The following CTNNA3 variants were observed in gnomAD, a reference collection of about 807,000 sequenced individuals.
CTNNA3 encodes the protein catenin alpha-3.
A neutral mutation model predicts 95.7 loss-of-function variants in CTNNA3; 76 were observed. That is an observed-to-expected ratio of 0.79 (90% CI 0.66 to 0.96). The LOEUF is 0.96. Ranked by LOEUF, CTNNA3 falls within the 40% of genes least tolerant of loss-of-function variation. The pLI, the probability that CTNNA3 is intolerant of heterozygous loss-of-function variation, is 0.00. For synonymous variants in CTNNA3, 431 were observed against 374.4 expected, an observed-to-expected ratio of 1.15 and a Z score of -1.74; for missense variants, 1,191 against 1,089.8, an observed-to-expected ratio of 1.09 and a Z score of -1.31.
chr10:66,258,557 C>T (rs116638589), intron 13 of CTNNA3, among the ~76,000 whole-genome samples: 2,819 of 152,240 alleles, frequency 0.019, 96 homozygotes, highest in African/African-American at 0.064. Context: ...TAATCTCAGT[C>T]CCAGCCTTAG....
chr10:66,544,361 C>A lies in CTNNA3; in HGVS notation c.1375-23588G>T, dbSNP rs575884532. On this transcript the variant is annotated intron_variant, in intron 10 of 17. Transcript: ENST00000433211. ...CCTAAAGCTTGAGAAGACCTTATTTCAGAGGGTTGGGAAAGGAAAACTAAT... is the reference window on the plus strand; with the variant it reads ...CCTAAAGCTTGAGAAGACCTTATTTAAGAGGGTTGGGAAAGGAAAACTAAT... Among the ~76,000 whole-genome samples the A allele has an allele frequency of 5.2e-4, 79 of 152,104 alleles. No homozygotes were observed. In the South Asian group the frequency reaches 0.016, roughly 31 times the overall value.
chr10:66,599,052 G>A (rs1243616275), intron 10 of CTNNA3, among the ~76,000 whole-genome samples: 1 of 151,888 alleles, frequency 6.6e-6, no homozygotes, highest in African/African-American at 2.4e-5. Flanking sequence ...CAGACACATA[G>A]ACCAATGGAA....
At chr10:67,726,415 A>ATTATATATGAAATTATAT (rs1228225638) in intron 1 of CTNNA3, among the ~76,000 whole-genome samples, 5 of 58,970 alleles carry the variant, frequency 8.5e-5, no homozygotes, top group South Asian at 6.2e-4. Context: ...TATCATATAT[A>ATTATATATGAAATTATAT]ATATTATATA....
At chr10:66,109,543 CA>C (rs1470039581) in intron 13 of CTNNA3, among the ~76,000 whole-genome samples, 35 of 152,232 alleles carry the variant, frequency 2.3e-4, no homozygotes, top group African/African-American at 8.4e-4. Context: ...AACCATTGCT[CA>C]AGAATTTTGG....
chr10:66,364,965 A>G (rs2132442733), intron 12 of CTNNA3, among the ~76,000 whole-genome samples: 1 of 152,250 alleles, frequency 6.6e-6, no homozygotes, highest in East Asian at 1.9e-4. Context: ...AATCAACTCT[A>G]TTAAGGATCC....
intron 3 of CTNNA3, among the ~76,000 whole-genome samples, chr10:67,603,337 A>G (rs865792884): frequency 6.6e-6 from 1 of 152,214 alleles, no homozygotes; most frequent in African/African-American, 2.4e-5. Flanking sequence ...GGAATATAGT[A>G]GAGTCGAAAA....
chr10:67,390,374 A>G (rs867843449), intron 5 of CTNNA3, among the ~76,000 whole-genome samples: 125 of 152,352 alleles, frequency 8.2e-4, no homozygotes, highest in Middle Eastern at 6.8e-3. Context: ...GAATCTCTGA[A>G]TAGACCAACA....
At chr10:66,378,900 G>C (rs2092814698) in intron 12 of CTNNA3, among the ~76,000 whole-genome samples, 1 of 152,160 alleles carries the variant, frequency 6.6e-6, no homozygotes, top group Non-Finnish European at 1.5e-5. Flanking sequence ...AACATTCTAA[G>C]TGGTTTCTGA....
intron 13 of CTNNA3, among the ~76,000 whole-genome samples, chr10:66,117,252 T>C (rs571500377): frequency 6.6e-6 from 1 of 152,176 alleles, no homozygotes; most frequent in Admixed American, 6.5e-5. Context: ...AAATGTGCAT[T>C]TTATTAAATG....
At position 66,318,994 on chromosome 10, in the gene CTNNA3, C is replaced by T. The variant is rs114529468; in HGVS notation, c.1733-38373G>A. ...CGCATTGCAAGCCCTTGAGTTACTCCTGAGAGAAAGAAAGGAGCTAGCAAA... is the reference window on the plus strand; with the variant it reads ...CGCATTGCAAGCCCTTGAGTTACTCTTGAGAGAAAGAAAGGAGCTAGCAAA... On this transcript the variant is annotated intron_variant, in intron 12 of 17. Transcript: ENST00000433211. 6.4e-3 allele frequency among the ~76,000 whole-genome samples: 970 copies of T among 151,898 alleles called. 13 individuals are homozygous for T. The highest frequency in any genetic ancestry group is 0.022 in the African/African-American group (895 of 41,446).
intron 7 of CTNNA3, among the ~76,000 whole-genome samples, chr10:66,944,888 A>G (rs1056807549): frequency 6.6e-6 from 1 of 152,176 alleles, no homozygotes; most frequent in Non-Finnish European, 1.5e-5. Context: ...TTTGAAAGGA[A>G]TCTTTTTTTA....
intron 7 of CTNNA3, among the ~76,000 whole-genome samples, chr10:67,071,210 A>G (rs1003794148): frequency 6.6e-6 from 1 of 152,104 alleles, no homozygotes; most frequent in African/African-American, 2.4e-5. Flanking sequence ...AATCACTCAG[A>G]TATTTCCAAG....
chr10:66,101,736 ATGT>A (rs2133738565), intron 14 of CTNNA3, among the ~76,000 whole-genome samples: 2 of 152,318 alleles, frequency 1.3e-5, no homozygotes, highest in African/African-American at 4.8e-5. Context: ...TTTACATAAT[ATGT>A]TGTGGGATTT....
intron 3 of CTNNA3, among the ~76,000 whole-genome samples, chr10:67,543,173 A>G (rs187052247): frequency 9.1e-4 from 138 of 152,210 alleles, no homozygotes; most frequent in African/African-American, 3.1e-3. Flanking sequence ...TTCCTTTCCT[A>G]AAAACGGGAT....
rs191017065 is a variant in CTNNA3 at position 65,941,420 on chromosome 10, G to A, written c.2401-20803C>T. ...TGTCACTCTAACGACATGTAGAACAGCTTATGGAATAAGAAAATGCGTTCA... is the reference window on the plus strand; with the variant it reads ...TGTCACTCTAACGACATGTAGAACAACTTATGGAATAAGAAAATGCGTTCA... On this transcript the variant is annotated intron_variant, in intron 17 of 17. Coordinates refer to ENST00000433211, the MANE Select transcript of CTNNA3 (RefSeq NM_013266.4). Among the ~76,000 whole-genome samples, 423 of 152,316 alleles carry A rather than the reference G, an allele frequency of 2.8e-3. 2 individuals are homozygous for A. Among genetic ancestry groups the A allele is most frequent in the African/African-American group, 9.7e-3 (404 of 41,560 alleles).
At chr10:67,002,055 G>A (rs1851719091) in intron 7 of CTNNA3, among the ~76,000 whole-genome samples, 1 of 152,114 alleles carries the variant, frequency 6.6e-6, no homozygotes, top group Non-Finnish European at 1.5e-5. Context: ...CCATACTCAA[G>A]CTTTATTAAC....
chr10:66,367,868 AATAATAATAATAATTATTATTATT>A (rs1295133074), intron 12 of CTNNA3, among the ~76,000 whole-genome samples: 2,676 of 84,202 alleles, frequency 0.032, 87 homozygotes, highest in African/African-American at 0.078. Flanking sequence ...TAATAATAAT[AATAATAATAATAATTATTATTATT>A]ATTATTATTA....
intron 10 of CTNNA3, among the ~76,000 whole-genome samples, chr10:66,618,243 G>A (rs376915368): frequency 1.2e-4 from 18 of 151,526 alleles, no homozygotes; most frequent in African/African-American, 3.6e-4. Flanking sequence ...AAAAGAGCCC[G>A]CATCGCCAAG....
intron 7 of CTNNA3, among the ~76,000 whole-genome samples, chr10:67,037,980 T>A (rs1045205724): frequency 1.3e-5 from 2 of 152,064 alleles, no homozygotes; most frequent in Non-Finnish European, 2.9e-5. Flanking sequence ...GGGATTAACA[T>A]GAATAAACAG....
Sources: gnomAD v4.1 joint callset for allele counts (sites outside exome capture counted in the v4.1 genomes callset) on GRCh38, gnomAD v4.1.1 for gene constraint, MANE v1.5 for transcripts, NCBI Gene and HGNC (gene_info 2026-07-23, HGNC 2026-07-21) for gene names.